Variants in IQCH observed in about 807,000 individuals in gnomAD.
The protein encoded by IQCH is IQ domain-containing protein H.
IQCH carries 98 observed loss-of-function variants against 117.0 expected under a neutral mutation model. The observed-to-expected ratio is 0.84, with a 90% CI of 0.71 to 0.99. The LOEUF (loss-of-function observed/expected upper bound fraction) is 0.99, where lower values mean the gene tolerates loss of function less well. Ranked by LOEUF, IQCH falls within the 50% of genes least tolerant of loss-of-function variation. The pLI, the probability that IQCH is intolerant of heterozygous loss-of-function variation, is 0.00. For synonymous variants in IQCH, 412 were observed against 448.2 expected, an observed-to-expected ratio of 0.92 and a Z score of 1.02; for missense variants, 1,102 against 1,243.8, an observed-to-expected ratio of 0.89 and a Z score of 1.72.
chr15:67,397,401 A>C (rs1971506035), intron 13 of IQCH, among the ~76,000 whole-genome samples: 1 of 152,202 alleles, frequency 6.6e-6, no homozygotes, highest in Admixed American at 6.5e-5. Context: ...ATGTCATTTG[A>C]CCTATGGTAT....
At position 67,458,794 on chromosome 15, in the gene IQCH, T is replaced by C. The variant is rs1045204755; in HGVS notation, c.2506-6333T>C. ...ACTGGGGCTGTGAATGCTGTGAACA[T>C]GGGCAGAGAGGTGACTCACACATCC... On this transcript the variant is annotated intron_variant, in intron 16 of 20. Transcript: ENST00000335894. This position sits in a 1 kb window ranked among gnomAD's most constrained non-coding sequence, Gnocchi z 4.1. Among the ~76,000 whole-genome samples, 6 of 152,200 alleles carry C rather than the reference T, an allele frequency of 3.9e-5. No homozygotes were observed. Among genetic ancestry groups the C allele is most frequent in the African/African-American group, 1.4e-4 (6 of 41,442 alleles).
intron 3 of IQCH, among the ~76,000 whole-genome samples, chr15:67,277,035 T>C (rs1329962371): frequency 6.6e-6 from 1 of 152,270 alleles, no homozygotes; most frequent in Non-Finnish European, 1.5e-5. Context: ...GAGGAGTTTA[T>C]ATTGACATTT....
In IQCH at chr15:67,254,943, T is replaced by C. The variant is rs935833929; in HGVS notation, c.47T>C (p.Ile16Thr). The C allele has an allele frequency of 6.2e-7, 1 of 1,613,370 alleles. No individual in the cohort carries two copies. Among genetic ancestry groups the C allele is most frequent in the Non-Finnish European group, 8.5e-7 (1 of 1,179,668 alleles). ...CACGACCCTGTCGGATCCATCTTAA[T>C]CCAGGTGGGAAACGGGCTTCCCCCG... ...ENHDPVGSIL[I>T]QIHEDLYQLK... is the part of the protein sequence containing the mutation. The change falls in exon 1 of 21, where the codon ATC becomes ACC. Residue 16 changes from isoleucine to threonine, a missense_variant. By Grantham distance (89) the Ile-to-Thr change is moderately conservative. Around this residue, in one of 2 missense-constraint regions of IQCH, gnomAD observed 452 missense variants for 449.6 expected, o/e 1.01. Transcript: ENST00000335894.
At position 67,413,868 on chromosome 15, in the gene IQCH, GC is replaced by G. The variant is rs2081509939; in HGVS notation, c.2098-3062del. Among the ~76,000 whole-genome samples, 1 of 152,114 alleles carries G rather than the reference GC, an allele frequency of 6.6e-6. No homozygotes were observed. Among genetic ancestry groups the G allele is most frequent in the African/African-American group, 2.4e-5 (1 of 41,418 alleles). Reference sequence around the variant, plus strand: ...CTAGGAAATTTACCTCCTTACTGGGGCTTTGTGCACAGTGAAAACTCCAAGC... The same window carrying G: ...CTAGGAAATTTACCTCCTTACTGGGGTTTGTGCACAGTGAAAACTCCAAGC... On this transcript the variant is annotated intron_variant, in intron 14 of 20. Transcript: ENST00000335894. The surrounding 1 kb of genome is among the most constrained non-coding windows in gnomAD (Gnocchi z 5.0).
At chr15:67,498,337 C>T (rs576486972) in intron 20 of IQCH, among the ~76,000 whole-genome samples, 4 of 152,180 alleles carry the variant, frequency 2.6e-5, no homozygotes, top group Non-Finnish European at 4.4e-5. Context: ...TAAAATGGGC[C>T]GGGCGCGGTG....
chr15:67,333,919 G>A (rs1027344860), intron 4 of IQCH, among the ~76,000 whole-genome samples: 57 of 152,160 alleles, frequency 3.7e-4, no homozygotes, highest in Middle Eastern at 3.4e-3. Context: ...TTAACCAGGT[G>A]TGTTGGTGCA....
intron 14 of IQCH, among the ~76,000 whole-genome samples, chr15:67,402,108 CATT>C (rs1195816177): frequency 6.6e-6 from 1 of 152,046 alleles, no homozygotes; most frequent in Admixed American, 6.5e-5. Flanking sequence ...CCTCATTGTG[CATT>C]ATTTAAATTT....
intron 3 of IQCH, among the ~76,000 whole-genome samples, chr15:67,277,688 C>T (rs1966184355): frequency 6.6e-6 from 1 of 152,104 alleles, no homozygotes; most frequent in Non-Finnish European, 1.5e-5. Flanking sequence ...CACATGCCAC[C>T]ACGCCTGGCT....
At chr15:67,469,683 G>A (rs1253582435) in intron 17 of IQCH, among the ~76,000 whole-genome samples, 1 of 152,192 alleles carries the variant, frequency 6.6e-6, no homozygotes, top group African/African-American at 2.4e-5. Flanking sequence ...AAGCCCTCCA[G>A]TTTACCAAAG....
chr15:67,358,207 C>CTTTTTTTTTTTTTTTTTTTTTTT (rs71142373), intron 7 of IQCH, among the ~76,000 whole-genome samples: 405 of 10,456 alleles, frequency 0.039, 175 homozygotes, highest in Non-Finnish European at 0.048. Context: ...ACTTTCTTTT[C>CTTTTTTTTTTTTTTTTTTTTTTT]TTTTTTTTTT....
intron 1 of IQCH, among the ~76,000 whole-genome samples, chr15:67,260,540 C>CT (rs1965413118): frequency 6.6e-6 from 1 of 152,148 alleles, no homozygotes. Context: ...TTACAATAGT[C>CT]TTTTCAAAGA....
In IQCH at chr15:67,457,347, G is replaced by T. The variant is rs1363313180; in HGVS notation, c.2506-7780G>T. Among the ~76,000 whole-genome samples the T allele has an allele frequency of 6.6e-6, 1 of 152,194 alleles. No individual in the cohort carries two copies. Among genetic ancestry groups the T allele is most frequent in the Non-Finnish European group, 1.5e-5 (1 of 68,032 alleles). On this transcript the variant is annotated intron_variant, in intron 16 of 20. Transcript: ENST00000335894. This position sits in a 1 kb window ranked among gnomAD's most constrained non-coding sequence, Gnocchi z 5.7. ...GAGCTCCATGCTGTCTGGAGATTCA[G>T]TGATCCAAGTGGGGAAAAAATATGT...
In IQCH at chr15:67,472,571, A is replaced by G. The variant is rs118153844; in HGVS notation, c.2677-3125A>G. On this transcript the variant is annotated intron_variant, in intron 17 of 20. Coordinates refer to ENST00000335894, the MANE Select transcript of IQCH (RefSeq NM_001031715.3). This position sits in a 1 kb window ranked among gnomAD's most constrained non-coding sequence, Gnocchi z 4.3. ...TCCTTTCAAAGGAATGACAACAAAAATAGTAGCTACCATTTATCAGGTTCC... is the reference window on the plus strand; with the variant it reads ...TCCTTTCAAAGGAATGACAACAAAAGTAGTAGCTACCATTTATCAGGTTCC... 4.8e-4 allele frequency among the ~76,000 whole-genome samples: 73 copies of G among 152,318 alleles called. 2 individuals carry two copies. In the East Asian group the frequency reaches 5.8e-3, roughly 12 times the overall value.
rs1015115386 is a variant in IQCH, at chr15:67,401,003, T to C, written c.2097+698T>C. ...TATTATGAGATAGAAATTCTATTAG[T>C]GAATTGTTGTCACCTGGAAGCTAAT... is the stretch of plus-strand genomic sequence containing the variant. On this transcript the variant is annotated intron_variant, in intron 14 of 20. Transcript: ENST00000335894. The surrounding 1 kb of genome is among the most constrained non-coding windows in gnomAD (Gnocchi z 4.7). Among the ~76,000 whole-genome samples the C allele has an allele frequency of 6.6e-6, 1 of 152,222 alleles. No homozygotes were observed. The highest frequency in any genetic ancestry group is 1.5e-5 in the Non-Finnish European group (1 of 68,046).
chr15:67,314,875 A>C (rs1224581838), intron 4 of IQCH, among the ~76,000 whole-genome samples: 1 of 152,092 alleles, frequency 6.6e-6, no homozygotes, highest in Non-Finnish European at 1.5e-5. Flanking sequence ...AATATTCTTT[A>C]GGCTATTCCT....
intron 4 of IQCH, among the ~76,000 whole-genome samples, chr15:67,315,876 G>A (rs756969450): frequency 1.3e-5 from 2 of 152,008 alleles, no homozygotes; most frequent in Admixed American, 6.5e-5. Context: ...TAGTTTATAC[G>A]TCCTATCTGA....
chr15:67,354,310 C>T (rs1433476807), intron 6 of IQCH, among the ~76,000 whole-genome samples: 1 of 151,970 alleles, frequency 6.6e-6, no homozygotes, highest in African/African-American at 2.4e-5. Flanking sequence ...CAATATAATT[C>T]ACCATATTAA....
intron 3 of IQCH, 53 bp from the exon 4 acceptor site, chr15:67,279,341 GA>G: frequency 1.1e-6 from 1 of 920,754 alleles, no homozygotes; most frequent in South Asian, 1.5e-5. Flanking sequence ...ATTACAATTT[GA>G]AAAGCTTTTA....
At chr15:67,353,134 A>G (rs2140721209) in intron 6 of IQCH, among the ~76,000 whole-genome samples, 1 of 151,834 alleles carries the variant, frequency 6.6e-6, no homozygotes, top group East Asian at 1.9e-4. Flanking sequence ...TGACAGAGCG[A>G]GACTCAGTCT....
Sources: gnomAD v4.1 joint callset for allele counts (sites outside exome capture counted in the v4.1 genomes callset) on GRCh38, gnomAD v4.1.1 for gene constraint, gnomAD v4.1.1 regional missense constraint, Gnocchi (gnomAD v3.1) non-coding constraint, MANE v1.5 for transcripts, NCBI Gene and HGNC (gene_info 2026-07-23, HGNC 2026-07-21) for gene names.